SPIRE1: variants seen among roughly 807,000 people sequenced by gnomAD.
The protein encoded by SPIRE1 is protein spire homolog 1.
Under a neutral mutation model 94.1 loss-of-function variants are expected in SPIRE1, and 40 were observed. The observed-to-expected ratio is 0.43, with a 90% CI of 0.33 to 0.55. The LOEUF is 0.55. Among genes scored for constraint, SPIRE1 ranks in the 20% least tolerant of loss-of-function variants. SPIRE1 has a pLI of 0.06. For missense variants in SPIRE1, 838 were observed against 975.2 expected (o/e 0.86, Z 1.87); for synonymous variants, 376 against 371.7 (o/e 1.01, Z -0.13).
rs1418058025 is a variant in SPIRE1, at chr18:12,575,680, A to AAT, written c.373-28777_373-28776insAT. Among the ~76,000 whole-genome samples, 8 of 152,346 alleles carry AAT rather than the reference A, an allele frequency of 5.3e-5. No homozygotes were observed. In the East Asian group the frequency reaches 1.5e-3, roughly 29 times the overall value. On this transcript the variant is annotated intron_variant, in intron 2 of 16. Coordinates refer to ENST00000409402, the MANE Select transcript of SPIRE1 (RefSeq NM_001128626.2). The stretch of plus-strand genomic sequence containing the variant: ...TATTAAGTGGTAAATAAGCATATGT[A>AAT]TTTGCATCTGCATAAGAGTTACTCC...
rs756509043 is a variant in SPIRE1, at chr18:12,506,454, G to A, written c.972+23C>T. 12 of 1,611,546 alleles carry A rather than the reference G, an allele frequency of 7.4e-6. No homozygotes were observed. The East Asian group carries it at 1.3e-4, about 18-fold the overall frequency. On this transcript the variant is annotated intron_variant, in intron 6 of 16. Coordinates refer to ENST00000409402, the MANE Select transcript of SPIRE1 (RefSeq NM_001128626.2). ...GATTACAGGAGTGAGCCACATGCCC[G>A]GCCTGACAGCTTGGTTACTTACCAT...
intron 2 of SPIRE1, among the ~76,000 whole-genome samples, chr18:12,558,125 C>T (rs992915121): frequency 6.6e-6 from 1 of 152,198 alleles, no homozygotes; most frequent in African/African-American, 2.4e-5. Context: ...AATGAAGCCG[C>T]GGACCCTTGC....
chr18:12,457,183 T>G (rs1012927780), intron 12 of SPIRE1, among the ~76,000 whole-genome samples: 2 of 152,196 alleles, frequency 1.3e-5, no homozygotes, highest in Non-Finnish European at 2.9e-5. Context: ...TCTTGTTCTT[T>G]TTTAAAAATT....
At chr18:12,579,079 G>A (rs1350360146) in intron 2 of SPIRE1, among the ~76,000 whole-genome samples, 3 of 151,250 alleles carry the variant, frequency 2.0e-5, no homozygotes, top group Non-Finnish European at 2.9e-5. Flanking sequence ...AGGCCTTAAA[G>A]GCTTTTAAGA....
chr18:12,564,384 T>C (rs2035763922), intron 2 of SPIRE1, among the ~76,000 whole-genome samples: 1 of 152,126 alleles, frequency 6.6e-6, no homozygotes, highest in South Asian at 2.1e-4. Context: ...CTAGAAGCCA[T>C]AAGGAGAAAG....
intron 3 of SPIRE1, among the ~76,000 whole-genome samples, chr18:12,543,735 G>A (rs1317964843): frequency 1.3e-5 from 2 of 152,186 alleles, no homozygotes; most frequent in African/African-American, 4.8e-5. Context: ...AAAACAAATT[G>A]TTTCAAGTTC....
intron 3 of SPIRE1, among the ~76,000 whole-genome samples, chr18:12,538,884 A>G (rs1251244634): frequency 6.6e-6 from 1 of 152,068 alleles, no homozygotes; most frequent in Non-Finnish European, 1.5e-5. Flanking sequence ...TGTTGTTTCT[A>G]CCTTCAAAAT....
In SPIRE1 at chr18:12,559,457, C is replaced by A. The variant is rs1186050137; in HGVS notation, c.373-12553G>T. ...ACACCACGCGCAGCCCTGGTTGCCA[C>A]CCGCGCCTCTCCCTCCACACCTCCC... On this transcript the variant is annotated intron_variant, in intron 2 of 16. Transcript: ENST00000409402. This position sits in a 1 kb window ranked among gnomAD's most constrained non-coding sequence, Gnocchi z 4.7. Among the ~76,000 whole-genome samples the A allele has an allele frequency of 2.0e-5, 3 of 152,206 alleles. No homozygotes were observed. Among genetic ancestry groups the A allele is most frequent in the Non-Finnish European group, 4.4e-5 (3 of 68,030 alleles).
At chr18:12,544,189 T>G (rs1407870400) in intron 3 of SPIRE1, among the ~76,000 whole-genome samples, 1 of 151,858 alleles carries the variant, frequency 6.6e-6, no homozygotes, top group Non-Finnish European at 1.5e-5. Context: ...AAATTTTTTT[T>G]CTTTCTTTCT....
At chr18:12,634,827 C>T (rs1953005431) in intron 2 of SPIRE1, among the ~76,000 whole-genome samples, 1 of 151,484 alleles carries the variant, frequency 6.6e-6, no homozygotes, top group Admixed American at 6.6e-5. Flanking sequence ...CCCAGCCAGT[C>T]AGAAGGCTGA....
rs192703516 is a variant in SPIRE1, at chr18:12,509,920, A to T, written c.807+2534T>A. 2.4e-3 allele frequency among the ~76,000 whole-genome samples: 366 copies of T among 152,120 alleles called. 11 individuals are homozygous for T. In the East Asian group the frequency reaches 0.066, roughly 28 times the overall value. ...ACCAACATGGTGAAACCCTGTCTCT[A>T]CTAAAAATACAAAAATTAGCTGGGT... On this transcript the variant is annotated intron_variant, in intron 5 of 16. Transcript: ENST00000409402.
intron 6 of SPIRE1, among the ~76,000 whole-genome samples, chr18:12,500,525 G>A (rs2033618052): frequency 6.6e-6 from 1 of 152,100 alleles, no homozygotes; most frequent in Non-Finnish European, 1.5e-5. Context: ...AATATTAATT[G>A]GTGCAATTGC....
chr18:12,637,735 G>A (rs912618618), intron 1 of SPIRE1, among the ~76,000 whole-genome samples: 12 of 152,200 alleles, frequency 7.9e-5, no homozygotes, highest in African/African-American at 2.9e-4. Flanking sequence ...AGGATTCCTT[G>A]GGAAATTGGC....
intron 2 of SPIRE1, among the ~76,000 whole-genome samples, chr18:12,565,895 ATGGTG>A (rs1175714565): frequency 1.3e-5 from 2 of 151,408 alleles, no homozygotes; most frequent in African/African-American, 4.9e-5. Flanking sequence ...TTGGCTGGGC[ATGGTG>A]GTGCACGCCT....
chr18:12,642,600 G>A (rs2038116432), intron 1 of SPIRE1, among the ~76,000 whole-genome samples: 1 of 152,198 alleles, frequency 6.6e-6, no homozygotes, highest in African/African-American at 2.4e-5. Context: ...CCAATTCTGA[G>A]TAACAGTGGC....
intron 1 of SPIRE1, among the ~76,000 whole-genome samples, chr18:12,641,474 T>C (rs1005371264): frequency 2.0e-5 from 3 of 151,970 alleles, no homozygotes; most frequent in African/African-American, 7.2e-5. Context: ...GTTCAAGCGA[T>C]TCTCCTGCCT....
chr18:12,505,691 G>C (rs1037060635), intron 6 of SPIRE1, among the ~76,000 whole-genome samples: 4 of 152,182 alleles, frequency 2.6e-5, no homozygotes, highest in African/African-American at 9.7e-5. Context: ...GGATTTCATG[G>C]TGGACATTTA....
At chr18:12,566,929 C>T (rs28446019) in intron 2 of SPIRE1, among the ~76,000 whole-genome samples, 71,884 of 152,016 alleles carry the variant, frequency 0.47, 17,791 homozygotes, top group Middle Eastern at 0.67. Context: ...TGGACATAGA[C>T]ACAAAAATCT....
At chr18:12,661,321 A>G (rs149598287), upstream of SPIRE1, 29 of 978,930 alleles carry the variant, frequency 3.0e-5, no homozygotes, top group African/African-American at 4.7e-4. Flanking sequence ...AAAAGAAGAA[A>G]AAAAATTGAT....
Sources: allele counts gnomAD v4.1 joint callset (sites outside exome capture counted in the v4.1 genomes callset), GRCh38; gene constraint gnomAD v4.1.1; non-coding constraint Gnocchi (gnomAD v3.1); transcripts MANE v1.5; gene names NCBI Gene and HGNC (gene_info 2026-07-23, HGNC 2026-07-21).